The following ANKRD6 variants were observed in gnomAD, a reference collection of about 807,000 sequenced individuals.
ANKRD6 encodes the protein ankyrin repeat domain 6.
Under a neutral mutation model 82.3 loss-of-function variants are expected in ANKRD6, and 56 were observed. The observed-to-expected ratio is 0.68, with a 90% CI of 0.55 to 0.85. The LOEUF is 0.85. Ranked by LOEUF, ANKRD6 falls within the 40% of genes least tolerant of loss-of-function variation. The pLI is 0.00. For synonymous variants in ANKRD6, 347 were observed against 352.1 expected (o/e 0.99, Z 0.16); for missense variants, 852 against 907.6 (o/e 0.94, Z 0.79).
intron 1 of ANKRD6, among the ~76,000 whole-genome samples, chr6:89,434,183 A>G (rs1214448265): frequency 2.0e-5 from 3 of 152,126 alleles, no homozygotes; most frequent in Admixed American, 1.3e-4. Context: ...TGGAAAACCC[A>G]CTTCTTTAAA....
chr6:89,593,360 G>C (rs1213627633), intron 2 of ANKRD6, among the ~76,000 whole-genome samples: 1 of 152,206 alleles, frequency 6.6e-6, no homozygotes, highest in Non-Finnish European at 1.5e-5. Flanking sequence ...AGTGGAACCT[G>C]GTCATGCCAC....
At chr6:89,530,513 G>T (rs550081628) in intron 1 of ANKRD6, among the ~76,000 whole-genome samples, 1 of 152,300 alleles carries the variant, frequency 6.6e-6, no homozygotes, top group East Asian at 1.9e-4. Context: ...ATTCTGTGGT[G>T]ACCTTAAGTG....
intron 1 of ANKRD6, among the ~76,000 whole-genome samples, chr6:89,557,844 C>T (rs752109296): frequency 6.6e-6 from 1 of 151,944 alleles, no homozygotes; most frequent in Non-Finnish European, 1.5e-5. Context: ...TGTAAGGGAT[C>T]TGGGTCATGT....
chr6:89,566,552 G>A (rs1788576589), intron 1 of ANKRD6, among the ~76,000 whole-genome samples: 1 of 152,188 alleles, frequency 6.6e-6, no homozygotes, highest in Non-Finnish European at 1.5e-5. Context: ...CCGCTCCCTG[G>A]GAGAAAAACA....
At chr6:89,572,756 C>T (rs944857564) in intron 2 of ANKRD6, among the ~76,000 whole-genome samples, 1 of 152,094 alleles carries the variant, frequency 6.6e-6, no homozygotes, top group Non-Finnish European at 1.5e-5. Context: ...TTTCCCAGGA[C>T]CATTTGTTGA....
intron 2 of ANKRD6, among the ~76,000 whole-genome samples, chr6:89,582,407 T>C (rs1792760008): frequency 6.6e-6 from 1 of 152,080 alleles, no homozygotes; most frequent in Non-Finnish European, 1.5e-5. Flanking sequence ...CCCATGCTGG[T>C]CTTGAACTCC....
chr6:89,458,258 G>T (rs9451226), intron 1 of ANKRD6, among the ~76,000 whole-genome samples: 43,304 of 152,096 alleles, frequency 0.28, 6,352 homozygotes, highest in Admixed American at 0.3. Context: ...TAATGATTTT[G>T]GGCTATAACT....
rs1473603644 is a variant in ANKRD6 at position 89,580,612 on chromosome 6, C to T, written c.120+13516C>T. Among the ~76,000 whole-genome samples, 4 of 151,852 alleles carry T rather than the reference C, an allele frequency of 2.6e-5. No individual in the cohort carries two copies. The East Asian group carries it at 7.8e-4, about 29-fold the overall frequency. On this transcript the variant is annotated intron_variant, in intron 2 of 15. Transcript: ENST00000339746. ...TCTCCTGCTGCCACTCGCTGGGCTT[C>T]CTGCTCTGAAACCTGTTTCCAGTTT...
intron 2 of ANKRD6, among the ~76,000 whole-genome samples, chr6:89,583,015 G>C (rs563579139): frequency 6.6e-6 from 1 of 152,312 alleles, no homozygotes; most frequent in South Asian, 2.1e-4. Context: ...TTGACTGCAC[G>C]TGTAACCACC....
At chr6:89,464,810 C>A (rs139080995) in intron 1 of ANKRD6, among the ~76,000 whole-genome samples, 196 of 152,290 alleles carry the variant, frequency 1.3e-3, no homozygotes, top group Non-Finnish European at 2.6e-3. Context: ...GAAAAGAATT[C>A]TCAGGGAATT....
chr6:89,593,513 A>C (rs983009430), intron 2 of ANKRD6, among the ~76,000 whole-genome samples: 2 of 152,096 alleles, frequency 1.3e-5, no homozygotes, highest in Non-Finnish European at 2.9e-5. Context: ...TTTTTTGGGG[A>C]GTGATTAAAG....
chr6:89,630,838 A>C lies in ANKRD6; in HGVS notation c.2018A>C (p.Glu673Ala), dbSNP rs1807249730. 1.1e-5 allele frequency: 18 copies of C among 1,613,862 alleles called. No individual in the cohort carries two copies. The highest frequency in any genetic ancestry group is 1.5e-5 in the Non-Finnish European group (18 of 1,179,886). Residue 673 changes from glutamate to alanine, a missense_variant, in exon 16 of 16, where the codon GAG becomes GCG. By Grantham distance (107) the Glu-to-Ala change is moderately radical. Coordinates refer to ENST00000339746, the MANE Select transcript of ANKRD6 (RefSeq NM_001242809.2). ...QALELTQYFFEAVSTQMEKWY... is the reference protein window; with the variant it reads ...QALELTQYFFAAVSTQMEKWY... The stretch of plus-strand genomic sequence containing the variant: ...CTGGAGCTTACCCAGTATTTTTTTG[A>C]GGCTGTTTCTACCCAGATGGAAAAG...
chr6:89,517,959 G>C (rs1485155499), intron 1 of ANKRD6, among the ~76,000 whole-genome samples: 1 of 152,160 alleles, frequency 6.6e-6, no homozygotes, highest in Non-Finnish European at 1.5e-5. Context: ...ATGTCTTTAT[G>C]TATTCATGGA....
intron 2 of ANKRD6, among the ~76,000 whole-genome samples, chr6:89,595,383 G>A (rs890082537): frequency 7.2e-5 from 11 of 151,920 alleles, no homozygotes; most frequent in Non-Finnish European, 1.5e-4. Context: ...CCGAGATGGC[G>A]TCGCTGCACT....
chr6:89,571,704 A>T (rs2128089752), intron 2 of ANKRD6, among the ~76,000 whole-genome samples: 1 of 152,252 alleles, frequency 6.6e-6, no homozygotes, highest in South Asian at 2.1e-4. Flanking sequence ...TGTTTAACCT[A>T]TCCCATTATC....
At chr6:89,623,050 G>A (rs930379027) in intron 10 of ANKRD6, among the ~76,000 whole-genome samples, 2 of 150,908 alleles carry the variant, frequency 1.3e-5, no homozygotes, top group South Asian at 2.1e-4. Flanking sequence ...GGCTGCATCC[G>A]AGGTCAAAGA....
intron 1 of ANKRD6, among the ~76,000 whole-genome samples, chr6:89,548,606 T>A (rs1322379454): frequency 6.6e-6 from 1 of 152,212 alleles, no homozygotes; most frequent in Non-Finnish European, 1.5e-5. Flanking sequence ...TTACTTGAAC[T>A]CCTGAGTCTT....
intron 1 of ANKRD6, among the ~76,000 whole-genome samples, chr6:89,510,273 C>T (rs1294324980): frequency 6.6e-6 from 1 of 152,146 alleles, no homozygotes; most frequent in Non-Finnish European, 1.5e-5. Flanking sequence ...TTGTTTGTTA[C>T]TACAGCATAA....
chr6:89,613,857 C>A lies in ANKRD6; in HGVS notation c.582C>A (p.Leu194=). The change falls in exon 7 of 16, where the codon CTC becomes CTA. Residue 194 remains leucine, a synonymous_variant. Transcript: ENST00000339746. ...YNHLSIIRLL[L]TAFCSVHEKN... ...ACTTGTCCATCATTAGGCTCCTCCTCACTGCTTTCTGTTCTGTCCATGAAA... is the reference window on the plus strand; with the variant it reads ...ACTTGTCCATCATTAGGCTCCTCCTAACTGCTTTCTGTTCTGTCCATGAAA... 1.2e-6 allele frequency: 2 copies of A among 1,614,026 alleles called. No homozygotes were observed. The highest frequency in any genetic ancestry group is 1.7e-6 in the Non-Finnish European group (2 of 1,179,888).
Sources: allele counts gnomAD v4.1 joint callset (sites outside exome capture counted in the v4.1 genomes callset), GRCh38; gene constraint gnomAD v4.1.1; transcripts MANE v1.5; gene names NCBI Gene and HGNC (gene_info 2026-07-23, HGNC 2026-07-21).